SUPT3H: variants seen among roughly 807,000 people sequenced by gnomAD.
SUPT3H encodes the protein transcription initiation protein SPT3 homolog.
SUPT3H carries 44 observed loss-of-function variants against 44.3 expected under a neutral mutation model. That is an observed-to-expected ratio of 0.99 (90% CI 0.78 to 1.28). The LOEUF is 1.28. Among genes scored for constraint, SUPT3H ranks in the 50% most tolerant of loss-of-function variants. The pLI, the probability that SUPT3H is intolerant of heterozygous loss-of-function variation, is 0.00. For synonymous variants in SUPT3H, 124 were observed against 125.6 expected, an observed-to-expected ratio of 0.99 and a Z score of 0.09; for missense variants, 380 against 387.1, an observed-to-expected ratio of 0.98 and a Z score of 0.15.
intron 2 of SUPT3H, chr6:45,158,991 C>G (rs1238787077): frequency 6.6e-6 from 1 of 152,178 alleles, no homozygotes; most frequent in Non-Finnish European, 1.5e-5. Flanking sequence ...TTCATCACTG[C>G]TGCATTCTAA....
chr6:44,878,524 C>A (rs908750662), intron 10 of SUPT3H, among the ~76,000 whole-genome samples: 7 of 151,762 alleles, frequency 4.6e-5, no homozygotes, highest in Admixed American at 1.3e-4. Context: ...GTGTGTGAAT[C>A]CCTTGCTTAA....
chr6:44,862,733 TTC>T (rs1413269854), intron 10 of SUPT3H, among the ~76,000 whole-genome samples: 1 of 150,850 alleles, frequency 6.6e-6, no homozygotes, highest in Non-Finnish European at 1.5e-5. Context: ...ATTCTATAGT[TTC>T]TCTTTCATTT....
intron 2 of SUPT3H, among the ~76,000 whole-genome samples, chr6:45,141,058 G>A (rs949114015): frequency 1.2e-4 from 18 of 152,096 alleles, no homozygotes; most frequent in African/African-American, 4.1e-4. Context: ...ATTCAGAAGA[G>A]GCCGGGTACA....
intron 2 of SUPT3H, among the ~76,000 whole-genome samples, chr6:45,289,274 T>C (rs908885092): frequency 2.0e-5 from 3 of 152,090 alleles, no homozygotes; most frequent in African/African-American, 4.8e-5. Flanking sequence ...TCCAGAATCA[T>C]GTATTATAAA....
At position 45,373,043 on chromosome 6, in the gene SUPT3H, G is replaced by A. The variant is rs533895336; in HGVS notation, c.-1+4725C>T. Among the ~76,000 whole-genome samples the A allele has an allele frequency of 1.2e-4, 18 of 152,178 alleles. No homozygotes were observed. The South Asian group carries it at 3.7e-3, about 32-fold the overall frequency. ...GCTGGTCTCAAACTCCTGACCTCAG[G>A]CGATCCACCTGCCTCGGCCTCCCAA... On this transcript the variant is annotated intron_variant, in intron 1 of 10. Transcript: ENST00000371459.
At chr6:45,274,879 A>G (rs1202670533) in intron 2 of SUPT3H, among the ~76,000 whole-genome samples, 1 of 152,178 alleles carries the variant, frequency 6.6e-6, no homozygotes, top group African/African-American at 2.4e-5. Context: ...CTGTTTCAAA[A>G]AAAGAAAGAA....
chr6:45,164,054 T>C (rs1168817841), intron 2 of SUPT3H, among the ~76,000 whole-genome samples: 1 of 152,164 alleles, frequency 6.6e-6, no homozygotes, highest in East Asian at 1.9e-4. Flanking sequence ...GAGTAGCTGA[T>C]ACACATATTC....
At chr6:45,015,817 A>G (rs934262694) in intron 4 of SUPT3H, among the ~76,000 whole-genome samples, 2 of 151,414 alleles carry the variant, frequency 1.3e-5, no homozygotes, top group African/African-American at 4.9e-5. Context: ...ACACACACAC[A>G]CGCCTATGCC....
intron 2 of SUPT3H, among the ~76,000 whole-genome samples, chr6:45,189,473 C>T (rs972032006): frequency 6.6e-6 from 1 of 152,148 alleles, no homozygotes; most frequent in South Asian, 2.1e-4. Flanking sequence ...TATTAAAAAA[C>T]CAACCCTCAA....
chr6:45,253,086 G>A (rs1200165447), intron 2 of SUPT3H, among the ~76,000 whole-genome samples: 1 of 151,934 alleles, frequency 6.6e-6, no homozygotes, highest in Non-Finnish European at 1.5e-5. Flanking sequence ...TGTGTGACAT[G>A]ACATAGATTT....
chr6:45,167,663 G>A (rs1352156889), intron 2 of SUPT3H, among the ~76,000 whole-genome samples: 4 of 128,318 alleles, frequency 3.1e-5, no homozygotes, highest in African/African-American at 1.3e-4. Context: ...TGTGATTTTG[G>A]CTGTTTTTTT....
chr6:44,823,742 GC>G (rs1401818709), downstream of SUPT3H, among the ~76,000 whole-genome samples: 1 of 152,060 alleles, frequency 6.6e-6, no homozygotes, highest in Non-Finnish European at 1.5e-5. Flanking sequence ...CGGGTGGATC[GC>G]CCGAGGTCAG....
chr6:45,225,688 T>C (rs923973889), intron 2 of SUPT3H, among the ~76,000 whole-genome samples: 1 of 152,206 alleles, frequency 6.6e-6, no homozygotes, highest in Non-Finnish European at 1.5e-5. Context: ...TTTTATTAAG[T>C]GTATATAACA....
intron 3 of SUPT3H, among the ~76,000 whole-genome samples, chr6:45,036,462 A>G (rs1419725269): frequency 6.6e-6 from 1 of 152,126 alleles, no homozygotes; most frequent in Admixed American, 6.6e-5. Flanking sequence ...AAGATTCTAG[A>G]CATATCATTG....
chr6:45,153,218 A>G (rs1463155687), intron 2 of SUPT3H, among the ~76,000 whole-genome samples: 1 of 152,204 alleles, frequency 6.6e-6, no homozygotes, highest in South Asian at 2.1e-4. Context: ...AATATCATGT[A>G]TCTGTTTGTT....
chr6:45,247,556 G>T (rs1771586743), intron 2 of SUPT3H, among the ~76,000 whole-genome samples: 1 of 152,098 alleles, frequency 6.6e-6, no homozygotes, highest in African/African-American at 2.4e-5. Flanking sequence ...GGGCTTTCTA[G>T]ATAGAAACAA....
At chr6:44,898,968 A>C (rs1482702261) in intron 10 of SUPT3H, 1 of 152,210 alleles carries the variant, frequency 6.6e-6, no homozygotes, top group Non-Finnish European at 1.5e-5. Flanking sequence ...TGAAATAAGA[A>C]GACTTGAAAA....
chr6:44,970,413 C>T (rs1215139991), intron 6 of SUPT3H, among the ~76,000 whole-genome samples: 1 of 152,048 alleles, frequency 6.6e-6, no homozygotes, highest in East Asian at 1.9e-4. Flanking sequence ...GTGTTAGTAC[C>T]AATTTTTGCT....
intron 6 of SUPT3H, among the ~76,000 whole-genome samples, chr6:44,974,117 C>G (rs886983192): frequency 1.3e-5 from 2 of 152,086 alleles, no homozygotes; most frequent in Non-Finnish European, 2.9e-5. Flanking sequence ...TGAGATCTGT[C>G]TTACTCTAAA....
Sources: allele counts gnomAD v4.1 joint callset (sites outside exome capture counted in the v4.1 genomes callset), GRCh38; gene constraint gnomAD v4.1.1; transcripts MANE v1.5; gene names NCBI Gene and HGNC (gene_info 2026-07-23, HGNC 2026-07-21).